The following CLIC5 variants were observed in gnomAD, a reference collection of about 807,000 sequenced individuals.
CLIC5 encodes the protein chloride intracellular channel protein 5.
In CLIC5, 20 loss-of-function variants were observed where a neutral mutation model predicts 24.7. That is an observed-to-expected ratio of 0.81 (90% CI 0.57 to 1.18). The LOEUF is 1.18. CLIC5 is among the 50% of genes most tolerant of loss of function. CLIC5 has a pLI of 0.00. For missense variants in CLIC5, 341 were observed against 326.1 expected (o/e 1.05, Z -0.35); for synonymous variants, 159 against 135.6 (o/e 1.17, Z -1.20).
chr6:46,041,383 C>A (rs552711833), intron 1 of CLIC5, among the ~76,000 whole-genome samples: 1 of 152,172 alleles, frequency 6.6e-6, no homozygotes, highest in African/African-American at 2.4e-5. Context: ...CATGCAGGGT[C>A]GTGGTTGAAT....
chr6:46,009,816 A>G (rs1172961562), intron 1 of CLIC5, among the ~76,000 whole-genome samples: 1 of 152,182 alleles, frequency 6.6e-6, no homozygotes. Context: ...GGAAGCAGTT[A>G]TGTAGGAGCT....
chr6:45,944,595 G>C (rs1764231484), intron 3 of CLIC5, among the ~76,000 whole-genome samples: 2 of 136,618 alleles, frequency 1.5e-5, no homozygotes, highest in South Asian at 5.0e-4. Flanking sequence ...GTAGAAAATA[G>C]TAGCAAAAAA....
At chr6:46,113,232 T>C in the CLIC5 span, among the ~76,000 whole-genome samples, 2 of 151,960 alleles carry the variant, frequency 1.3e-5, no homozygotes, top group Non-Finnish European at 2.9e-5. Flanking sequence ...TGAGAGAACA[T>C]TTGTAGTGTC....
chr6:45,934,452 G>C (rs990089638), intron 4 of CLIC5: 2 of 152,238 alleles, frequency 1.3e-5, no homozygotes, highest in Admixed American at 1.3e-4. Context: ...GGAATTCAAA[G>C]GAAGCCTTGA....
chr6:46,091,707 C>A, the CLIC5 span, among the ~76,000 whole-genome samples: 3 of 152,256 alleles, frequency 2.0e-5, 1 homozygote, highest in Middle Eastern at 0.01. Flanking sequence ...CAAAAAATGC[C>A]AAATATAATT....
chr6:45,995,731 C>A (rs780057820), intron 1 of CLIC5, among the ~76,000 whole-genome samples: 4 of 151,908 alleles, frequency 2.6e-5, no homozygotes, highest in Middle Eastern at 3.2e-3. Context: ...AGATAATAAT[C>A]TGAGACTGGA....
chr6:45,995,149 G>A (rs9463162), intron 1 of CLIC5, among the ~76,000 whole-genome samples: 2,964 of 152,254 alleles, frequency 0.019, 105 homozygotes, highest in African/African-American at 0.065. Flanking sequence ...GAGATGATAG[G>A]TTAGGAACAT....
chr6:46,052,177 A>G (rs1397580707), intron 1 of CLIC5, among the ~76,000 whole-genome samples: 1 of 152,120 alleles, frequency 6.6e-6, no homozygotes, highest in Non-Finnish European at 1.5e-5. Flanking sequence ...GAAATGCTTC[A>G]TACCACACCC....
chr6:46,058,673 T>C (rs906890829), intron 1 of CLIC5, among the ~76,000 whole-genome samples: 1 of 152,166 alleles, frequency 6.6e-6, no homozygotes, highest in African/African-American at 2.4e-5. Context: ...GAACTTGTGT[T>C]CTTTGACAGA....
At chr6:46,025,099 C>T (rs1767293148) in intron 1 of CLIC5, among the ~76,000 whole-genome samples, 2 of 151,896 alleles carry the variant, frequency 1.3e-5, no homozygotes, top group South Asian at 4.2e-4. Context: ...GACTGAGATC[C>T]AGAAATTCTG....
rs113634048 is a variant in CLIC5 at position 46,007,351 on chromosome 6, G to A, written c.63+8129C>T. Among the ~76,000 whole-genome samples the A allele has an allele frequency of 5.1e-3, 779 of 152,338 alleles. 6 individuals are homozygous for A. Among genetic ancestry groups the A allele is most frequent in the African/African-American group, 0.018 (734 of 41,570 alleles). On this transcript the variant is annotated intron_variant, in intron 1 of 5. Transcript: ENST00000339561. ...CATCAAAGATATCACCATTCTAGAT[G>A]TGGACACTAACCTTTCCAGGGGTGA...
chr6:46,085,061 C>T (rs909325205), upstream of CLIC5, among the ~76,000 whole-genome samples: 7 of 152,162 alleles, frequency 4.6e-5, no homozygotes, highest in South Asian at 2.1e-4. Context: ...TCCAGTTGAT[C>T]GCATTGGCTC....
At chr6:45,975,822 G>T (rs1765366027) in intron 1 of CLIC5, among the ~76,000 whole-genome samples, 1 of 152,066 alleles carries the variant, frequency 6.6e-6, no homozygotes, top group African/African-American at 2.4e-5. Flanking sequence ...CACTTGAAAG[G>T]TATACAATAT....
intron 5 of CLIC5, among the ~76,000 whole-genome samples, chr6:45,909,181 A>G (rs1008021764): frequency 2.6e-5 from 4 of 152,026 alleles, no homozygotes; most frequent in Non-Finnish European, 5.9e-5. Flanking sequence ...GTTGTTACAT[A>G]TGAGAGGGGT....
intron 1 of CLIC5, among the ~76,000 whole-genome samples, chr6:46,037,599 A>G (rs1767697535): frequency 6.6e-6 from 1 of 152,236 alleles, no homozygotes; most frequent in African/African-American, 2.4e-5. Flanking sequence ...GTATGAAGTA[A>G]GATAATATGG....
chr6:46,061,297 C>T (rs1026289114), intron 1 of CLIC5, among the ~76,000 whole-genome samples: 2 of 152,266 alleles, frequency 1.3e-5, no homozygotes, highest in South Asian at 2.1e-4. Context: ...TCAAGCAATT[C>T]CCCTGCCTCA....
At chr6:46,048,769 G>A (rs1205044175) in intron 1 of CLIC5, among the ~76,000 whole-genome samples, 1 of 152,088 alleles carries the variant, frequency 6.6e-6, no homozygotes, top group Non-Finnish European at 1.5e-5. Flanking sequence ...ATGCCATCAG[G>A]TGCCACTTGT....
chr6:46,048,514 C>T (rs576303164), intron 1 of CLIC5, among the ~76,000 whole-genome samples: 4 of 152,078 alleles, frequency 2.6e-5, no homozygotes, highest in Non-Finnish European at 5.9e-5. Flanking sequence ...AGGCATCTTT[C>T]TTTCCAGTCT....
upstream of CLIC5, among the ~76,000 whole-genome samples, chr6:46,082,877 T>C (rs750716507): frequency 1.1e-4 from 17 of 152,218 alleles, no homozygotes; most frequent in Non-Finnish European, 2.5e-4. Context: ...TCTAGAGGTT[T>C]TATTTTCTGT....
Sources: gnomAD v4.1 joint callset for allele counts (sites outside exome capture counted in the v4.1 genomes callset) on GRCh38, gnomAD v4.1.1 for gene constraint, MANE v1.5 for transcripts, NCBI Gene and HGNC (gene_info 2026-07-23, HGNC 2026-07-21) for gene names.